The following SPOCK1 variants were observed in gnomAD, a reference collection of about 807,000 sequenced individuals.
SPOCK1 encodes the protein testican-1.
A neutral mutation model predicts 55.3 loss-of-function variants in SPOCK1; 23 were observed. The ratio of observed to expected loss-of-function variants is 0.42; its 90% CI spans 0.30 to 0.59. SPOCK1 has a LOEUF of 0.59. Ranked by LOEUF, SPOCK1 falls within the 20% of genes least tolerant of loss-of-function variation. SPOCK1 has a pLI of 0.22. For missense variants in SPOCK1, 499 were observed against 552.5 expected (o/e 0.90, Z 0.97); for synonymous variants, 226 against 221.0 (o/e 1.02, Z -0.20).
intron 2 of SPOCK1, among the ~76,000 whole-genome samples, chr5:137,296,497 C>A (rs1580852397): frequency 6.6e-6 from 1 of 152,234 alleles, no homozygotes; most frequent in South Asian, 2.1e-4. Context: ...TGAACGCGAA[C>A]TAAAGGAGCA....
chr5:137,356,035 A>G (rs1402321130), intron 2 of SPOCK1, among the ~76,000 whole-genome samples: 1 of 152,172 alleles, frequency 6.6e-6, no homozygotes, highest in Non-Finnish European at 1.5e-5. Flanking sequence ...GAACCTATGT[A>G]CTTCTGAGAG....
intron 3 of SPOCK1, among the ~76,000 whole-genome samples, chr5:137,226,791 G>C (rs764295455): frequency 2.0e-5 from 3 of 152,146 alleles, no homozygotes; most frequent in Admixed American, 2.0e-4. Flanking sequence ...TCCAGTTTAA[G>C]TATAACTACC....
intron 2 of SPOCK1, among the ~76,000 whole-genome samples, chr5:137,291,625 C>T (rs1486690189): frequency 6.6e-6 from 1 of 152,196 alleles, no homozygotes; most frequent in Non-Finnish European, 1.5e-5. Flanking sequence ...AATAACGGAG[C>T]TCCCTTGAGC....
At chr5:137,001,864 A>C (rs1302918091) in intron 6 of SPOCK1, among the ~76,000 whole-genome samples, 1 of 152,212 alleles carries the variant, frequency 6.6e-6, no homozygotes, top group African/African-American at 2.4e-5. Flanking sequence ...ATAGGAGCTT[A>C]CTGAAGGGAT....
chr5:137,440,413 AG>A (rs1441551694), intron 2 of SPOCK1, among the ~76,000 whole-genome samples: 1 of 152,236 alleles, frequency 6.6e-6, no homozygotes, highest in Admixed American at 6.5e-5. Flanking sequence ...GAGTATGTAC[AG>A]TTAGCTTTGG....
At chr5:137,429,909 A>G (rs1383495975) in intron 2 of SPOCK1, among the ~76,000 whole-genome samples, 1 of 152,196 alleles carries the variant, frequency 6.6e-6, no homozygotes, top group Non-Finnish European at 1.5e-5. Flanking sequence ...GTACACTATG[A>G]TTGGTGTAGA....
At chr5:137,449,132 C>T (rs186468671) in intron 2 of SPOCK1, among the ~76,000 whole-genome samples, 67 of 152,290 alleles carry the variant, frequency 4.4e-4, no homozygotes, top group Non-Finnish European at 7.2e-4. Flanking sequence ...GGACCAGGTG[C>T]CCTGGCACTC....
chr5:137,477,657 T>C (rs945325527), intron 2 of SPOCK1, among the ~76,000 whole-genome samples: 10 of 152,300 alleles, frequency 6.6e-5, no homozygotes, highest in African/African-American at 2.4e-4. Context: ...CAATGTCCAC[T>C]GGACTGTGAC....
intron 2 of SPOCK1, among the ~76,000 whole-genome samples, chr5:137,476,807 C>A (rs1463101883): frequency 6.6e-6 from 1 of 152,074 alleles, no homozygotes; most frequent in African/African-American, 2.4e-5. Context: ...TGTCTGTAAT[C>A]CCAGCTACTT....
At chr5:137,303,884 T>G (rs1007212543) in intron 2 of SPOCK1, among the ~76,000 whole-genome samples, 1 of 152,188 alleles carries the variant, frequency 6.6e-6, no homozygotes, top group Non-Finnish European at 1.5e-5. Flanking sequence ...ACACACTCCC[T>G]TTTCCTGTGG....
intron 2 of SPOCK1, among the ~76,000 whole-genome samples, chr5:137,487,212 A>G (rs2149844089): frequency 6.6e-6 from 1 of 152,182 alleles, no homozygotes; most frequent in East Asian, 1.9e-4. Flanking sequence ...GAGTTTGTTC[A>G]GTGGGAATAG....
At chr5:137,427,704 T>C (rs1424799450) in intron 2 of SPOCK1, among the ~76,000 whole-genome samples, 1 of 151,936 alleles carries the variant, frequency 6.6e-6, no homozygotes, top group African/African-American at 2.4e-5. Context: ...GGTCAGGAGA[T>C]CGAGAACATC....
chr5:137,143,690 T>C (rs1198167101), intron 3 of SPOCK1, among the ~76,000 whole-genome samples: 1 of 152,104 alleles, frequency 6.6e-6, no homozygotes, highest in Non-Finnish European at 1.5e-5. Context: ...TTTCCCAGAG[T>C]AAATAATCAG....
intron 6 of SPOCK1, among the ~76,000 whole-genome samples, chr5:137,037,560 T>A (rs1345737746): frequency 1.3e-5 from 2 of 152,278 alleles, no homozygotes; most frequent in South Asian, 4.1e-4. Context: ...AACATCTAAG[T>A]GGTTTAGGAT....
chr5:137,030,911 G>A (rs868801080), intron 6 of SPOCK1, among the ~76,000 whole-genome samples: 8 of 152,096 alleles, frequency 5.3e-5, no homozygotes, highest in East Asian at 1.9e-4. Flanking sequence ...AAACTGATTC[G>A]AGGGGAGTTT....
intron 2 of SPOCK1, among the ~76,000 whole-genome samples, chr5:137,401,850 T>C (rs540207502): frequency 2.6e-5 from 4 of 152,278 alleles, no homozygotes; most frequent in African/African-American, 9.6e-5. Context: ...ATGCGTGATG[T>C]GCACAAACTC....
intron 6 of SPOCK1, among the ~76,000 whole-genome samples, chr5:137,029,610 T>C (rs1432860792): frequency 6.6e-6 from 1 of 152,206 alleles, no homozygotes; most frequent in Non-Finnish European, 1.5e-5. Context: ...CCAACAGTGA[T>C]TATCAAACTT....
chr5:137,236,971 C>T (rs369618176), intron 3 of SPOCK1, among the ~76,000 whole-genome samples: 35 of 152,278 alleles, frequency 2.3e-4, no homozygotes, highest in Non-Finnish European at 4.0e-4. Context: ...TGAGGACCAA[C>T]GCAGGGATGA....
rs191734688 is a variant in SPOCK1, at chr5:137,346,848, A to G, written c.187-79793T>C. ...CAAAAAACTGATGATCTGATAAAGA[A>G]GGGAACTGAGAAATACCCCAAATCT... On this transcript the variant is annotated intron_variant, in intron 2 of 10. Transcript: ENST00000394945. Among the ~76,000 whole-genome samples, 5 of 152,328 alleles carry G rather than the reference A, an allele frequency of 3.3e-5. No individual in the cohort carries two copies. The East Asian group carries it at 9.6e-4, about 29-fold the overall frequency.
Sources: allele counts gnomAD v4.1 joint callset (sites outside exome capture counted in the v4.1 genomes callset), GRCh38; gene constraint gnomAD v4.1.1; transcripts MANE v1.5; gene names NCBI Gene and HGNC (gene_info 2026-07-23, HGNC 2026-07-21).